Variants in LOXL1 observed in about 807,000 individuals in gnomAD.
LOXL1 encodes lysyl oxidase like 1.
A neutral mutation model predicts 62.2 loss-of-function variants in LOXL1; 31 were observed. That is an observed-to-expected ratio of 0.50 (90% CI 0.37 to 0.67). The LOEUF is 0.67. Ranked by LOEUF, LOXL1 falls within the 30% of genes least tolerant of loss-of-function variation. The pLI is 0.00. For missense variants in LOXL1, 775 were observed against 843.4 expected, an observed-to-expected ratio of 0.92 and a Z score of 1.00; for synonymous variants, 403 against 384.4, an observed-to-expected ratio of 1.05 and a Z score of -0.56.
intron 2 of LOXL1, among the ~76,000 whole-genome samples, chr15:73,943,478 A>C (rs1047954723): frequency 6.6e-6 from 1 of 152,190 alleles, no homozygotes; most frequent in Non-Finnish European, 1.5e-5. Context: ...GCCTCTGCCT[A>C]GTCACAGCAG....
At chr15:73,934,323 A>G (rs2068655425) in intron 1 of LOXL1, among the ~76,000 whole-genome samples, 1 of 152,220 alleles carries the variant, frequency 6.6e-6, no homozygotes, top group Admixed American at 6.5e-5. Flanking sequence ...TACAGGTGCT[A>G]GGCCCTGAGC....
intron 1 of LOXL1, among the ~76,000 whole-genome samples, chr15:73,929,991 T>A (rs571556026): frequency 6.6e-6 from 1 of 152,356 alleles, no homozygotes; most frequent in South Asian, 2.1e-4. Flanking sequence ...CAAGGCCATG[T>A]CTGAAGTGGG....
intron 1 of LOXL1, among the ~76,000 whole-genome samples, chr15:73,928,880 A>C (rs1389766020): frequency 7.9e-5 from 12 of 151,684 alleles, no homozygotes; most frequent in Admixed American, 7.9e-4. Flanking sequence ...AAAAAAAAAA[A>C]AAAACACCTC....
intron 1 of LOXL1, among the ~76,000 whole-genome samples, chr15:73,928,871 A>G (rs1489874213): frequency 7.8e-5 from 5 of 64,078 alleles, no homozygotes; most frequent in East Asian, 9.6e-4. Flanking sequence ...ACCCCGAGGA[A>G]AAAAAAAAAA....
At chr15:73,931,663 C>A (rs1182921397) in intron 1 of LOXL1, among the ~76,000 whole-genome samples, 2 of 152,120 alleles carry the variant, frequency 1.3e-5, no homozygotes, top group African/African-American at 4.8e-5. Context: ...CTGTCTGGAC[C>A]CTCAGTCCCT....
In LOXL1 at chr15:73,930,698, G is replaced by A. The variant is rs903945546; in HGVS notation, c.1102+2813G>A. Among the ~76,000 whole-genome samples the A allele has an allele frequency of 6.6e-6, 1 of 152,196 alleles. No homozygotes were observed. The highest frequency in any genetic ancestry group is 2.4e-5 in the African/African-American group (1 of 41,450). ...GAGCACCACCCACCTCCCTCCATGG[G>A]TGGGTGGTTTCCAAGCGCCTGTCCT... On this transcript the variant is annotated intron_variant, in intron 1 of 6. Transcript: ENST00000261921. The surrounding 1 kb of genome is among the most constrained non-coding windows in gnomAD (Gnocchi z 4.7).
At chr15:73,929,908 G>A (rs1380025289) in intron 1 of LOXL1, among the ~76,000 whole-genome samples, 1 of 152,184 alleles carries the variant, frequency 6.6e-6, no homozygotes, top group African/African-American at 2.4e-5. Context: ...CAAGTCAGTG[G>A]GTCTTCTAGG....
At chr15:73,934,461 T>A (rs1212302794) in intron 1 of LOXL1, among the ~76,000 whole-genome samples, 1 of 152,168 alleles carries the variant, frequency 6.6e-6, no homozygotes, top group Non-Finnish European at 1.5e-5. Flanking sequence ...TTGCCAGCTC[T>A]CAGCACCCAC....
In LOXL1 at chr15:73,928,601, CAAAAAAAAAAAA is replaced by C. The variant is rs55696344; in HGVS notation, c.1102+729_1102+740del. On this transcript the variant is annotated intron_variant, in intron 1 of 6. Transcript: ENST00000261921. ...GTATTTTTTTAAGTCAAAATTAATG[CAAAAAAAAAAAA>C]AAAAAAAAAAAACCTGTGATAAAGG... Among the ~76,000 whole-genome samples the C allele has an allele frequency of 2.3e-4, 24 of 105,030 alleles. No individual in the cohort carries two copies. The East Asian group carries it at 3.6e-3, about 16-fold the overall frequency. The allele number at this position is 105,030 out of a possible 152,430, so 68.9% of individuals were successfully genotyped here.
chr15:73,932,627 A>G (rs2068642693), intron 1 of LOXL1, among the ~76,000 whole-genome samples: 1 of 152,180 alleles, frequency 6.6e-6, no homozygotes, highest in Non-Finnish European at 1.5e-5. Context: ...TTGTGTAACA[A>G]ACACTCATAT....
chr15:73,933,947 G>T (rs1442575167), intron 1 of LOXL1, among the ~76,000 whole-genome samples: 3 of 152,240 alleles, frequency 2.0e-5, no homozygotes, highest in African/African-American at 7.2e-5. Context: ...ATGATCACAG[G>T]GTGAGGGTTG....
intron 6 of LOXL1, 43 bp from the exon 7 acceptor site, chr15:73,951,788 T>TA (rs747502856): frequency 6.6e-7 from 1 of 1,509,650 alleles, no homozygotes. Context: ...CACGGGGGCC[T>TA]ACTTTGCAGC....
chr15:73,927,298 C>T lies in LOXL1; in HGVS notation c.515C>T (p.Ser172Phe). ...AFASTYRQQPSYPQQFPYPQA... is the reference protein window; with the variant it reads ...AFASTYRQQPFYPQQFPYPQA... ...GCCAGCACCTACCGCCAGCAGCCCT[C>T]CTACCCGCAGCAGTTCCCCTACCCG... is the stretch of plus-strand genomic sequence containing the variant. The change falls in exon 1 of 7, where the codon TCC (serine) becomes TTC (phenylalanine). Residue 172 changes from serine (S) to phenylalanine (F), a missense_variant. Physicochemically the swap from Ser to Phe is radical, Grantham distance 155. Coordinates refer to ENST00000261921, the MANE Select transcript of LOXL1 (RefSeq NM_005576.4). 1 of 1,603,558 alleles carries T rather than the reference C, an allele frequency of 6.2e-7. No individual in the cohort carries two copies.
intron 1 of LOXL1, chr15:73,928,255 G>A: frequency 4.5e-6 from 1 of 221,738 alleles, no homozygotes; most frequent in Non-Finnish European, 8.8e-6. Flanking sequence ...TTTCAATGAG[G>A]GCATCTCCTT....
At position 73,930,267 on chromosome 15, in the gene LOXL1, A is replaced by C. The variant is rs930326324; in HGVS notation, c.1102+2382A>C. Among the ~76,000 whole-genome samples the C allele has an allele frequency of 6.6e-5, 10 of 152,212 alleles. No homozygotes were observed. The highest frequency in any genetic ancestry group is 2.4e-4 in the African/African-American group (10 of 41,454). ...GGCTAGGGCTCAGGGAGACTTCCACAGGAAGCAATGTCTAAGCATTGCTGC... is the reference window on the plus strand; with the variant it reads ...GGCTAGGGCTCAGGGAGACTTCCACCGGAAGCAATGTCTAAGCATTGCTGC... On this transcript the variant is annotated intron_variant, in intron 1 of 6. Transcript: ENST00000261921. The surrounding 1 kb of genome is among the most constrained non-coding windows in gnomAD (Gnocchi z 4.7).
chr15:73,939,472 C>A (rs921363115), intron 1 of LOXL1, among the ~76,000 whole-genome samples: 6 of 152,164 alleles, frequency 3.9e-5, no homozygotes, highest in African/African-American at 1.4e-4. Flanking sequence ...ACAGGAGGCC[C>A]TGGTGATTGT....
In LOXL1 at chr15:73,949,689, G is replaced by A. The variant is rs544665890; in HGVS notation, c.1718+115G>A. On this transcript the variant is annotated intron_variant, in intron 6 of 6. Coordinates refer to ENST00000261921, the MANE Select transcript of LOXL1 (RefSeq NM_005576.4). ...CTTTAGGTCACCTTGATGGCCGAACGCAGCTGCAGCAGGGCCCATCAAAAA... is the reference window on the plus strand; with the variant it reads ...CTTTAGGTCACCTTGATGGCCGAACACAGCTGCAGCAGGGCCCATCAAAAA... 35 of 700,962 alleles carry A rather than the reference G, an allele frequency of 5.0e-5. No individual in the cohort carries two copies. The African/African-American group carries it at 5.2e-4, about 10-fold the overall frequency. The allele number at this position is 700,962 out of a possible 1,614,324, so 43.4% of individuals were successfully genotyped here.
At position 73,926,512 on chromosome 15, in the gene LOXL1, C is replaced by A. The variant is rs964538802; in HGVS notation, c.-272C>A. ...AGCGGCCAGCCAGTGCGGGGCTGGC[C>A]ATGTAAGGCCCACAGGCGGTCCTGC... On this transcript the variant is annotated 5_prime_UTR_variant, in exon 1 of 7. Coordinates refer to ENST00000261921, the MANE Select transcript of LOXL1 (RefSeq NM_005576.4). 5.5e-6 allele frequency: 2 copies of A among 366,324 alleles called. No individual in the cohort carries two copies. Among genetic ancestry groups the A allele is most frequent in the Admixed American group, 4.6e-5 (1 of 21,584 alleles). The allele number at this position is 366,324 out of a possible 1,614,324, so 22.7% of individuals were successfully genotyped here. A position where few individuals can be genotyped will look rare whatever the true frequency, so the allele number is the denominator to read the frequency against.
At chr15:73,932,699 G>A (rs1267964705) in intron 1 of LOXL1, among the ~76,000 whole-genome samples, 1 of 152,258 alleles carries the variant, frequency 6.6e-6, no homozygotes, top group African/African-American at 2.4e-5. Context: ...CTTAATCCCT[G>A]TGACAACCCT....
Sources: gnomAD v4.1 joint callset for allele counts (sites outside exome capture counted in the v4.1 genomes callset) on GRCh38, gnomAD v4.1.1 for gene constraint, Gnocchi (gnomAD v3.1) non-coding constraint, MANE v1.5 for transcripts, NCBI Gene and HGNC (gene_info 2026-07-23, HGNC 2026-07-21) for gene names.